ARMC8: variants seen among roughly 807,000 people sequenced by gnomAD.
The protein encoded by ARMC8 is armadillo repeat containing 8, also known as armadillo repeat-containing protein 8.
Under a neutral mutation model 99.3 loss-of-function variants are expected in ARMC8, and 20 were observed. The ratio of observed to expected loss-of-function variants is 0.20; its 90% CI spans 0.14 to 0.29. ARMC8 has a LOEUF of 0.29. Among genes scored for constraint, ARMC8 ranks in the 10% least tolerant of loss-of-function variants. ARMC8 has a pLI of 1.00. For missense variants in ARMC8, 569 were observed against 809.5 expected (o/e 0.70, Z 3.60); for synonymous variants, 263 against 278.3 (o/e 0.95, Z 0.55).
Position 138,284,534 on chromosome 3 carries a change from C to T in ARMC8, c.1821+8C>T. On this transcript the variant is annotated splice_region_variant and intron_variant, in intron 19 of 21. Coordinates refer to ENST00000469044, the MANE Select transcript of ARMC8 (RefSeq NM_001363941.2). ...AAAATCAAGTATTACATGGTGAGCC[C>T]TTGTCCCCTTTCACCGTAGGATTAG... 1 of 1,586,230 alleles carries T rather than the reference C, an allele frequency of 6.3e-7. No homozygotes were observed.
At chr3:138,290,440 G>A (rs2050828114) in intron 20 of ARMC8, 106 bp from the exon 21 acceptor site, 2 of 787,150 alleles carry the variant, frequency 2.5e-6, no homozygotes, top group East Asian at 5.4e-5. Flanking sequence ...GGGTACAGGA[G>A]GAGTAGGGAG....
At chr3:138,254,255 CTTCT>C (rs1245747374) in intron 12 of ARMC8, among the ~76,000 whole-genome samples, 1 of 152,180 alleles carries the variant, frequency 6.6e-6, no homozygotes, top group Admixed American at 6.5e-5. Context: ...TAATAGGTTA[CTTCT>C]TTGTCAGTGG....
In ARMC8 at chr3:138,283,485, A is replaced by G. The variant is rs949135753; in HGVS notation, c.1726-946A>G. Among the ~76,000 whole-genome samples, 11 of 152,100 alleles carry G rather than the reference A, an allele frequency of 7.2e-5. 1 individual carries two copies. Among genetic ancestry groups the G allele is most frequent in the Admixed American group, 6.5e-4 (10 of 15,286 alleles). ...CCTTCTCTATTCTCTGTTTACTTCA[A>G]TCACAGTGAAATGTAATTGTTTGTG... is the stretch of plus-strand genomic sequence containing the variant. On this transcript the variant is annotated intron_variant, in intron 18 of 21. Coordinates refer to ENST00000469044, the MANE Select transcript of ARMC8 (RefSeq NM_001363941.2).
chr3:138,195,091 A>C (rs1013120258), intron 1 of ARMC8, among the ~76,000 whole-genome samples: 1 of 152,080 alleles, frequency 6.6e-6, no homozygotes, highest in Non-Finnish European at 1.5e-5. Flanking sequence ...CCTGACCAAC[A>C]TGGTGAAACC....
intron 7 of ARMC8, 152 bp downstream of exon 7, chr3:138,235,266 G>A: frequency 1.9e-6 from 1 of 516,202 alleles, no homozygotes. Flanking sequence ...GCTATAGAAT[G>A]CTCTTTAAAA....
intron 2 of ARMC8, among the ~76,000 whole-genome samples, chr3:138,212,082 G>A (rs114590561): frequency 0.014 from 2,106 of 152,196 alleles, 23 homozygotes; most frequent in Non-Finnish European, 0.021. Flanking sequence ...TCTGTTTATA[G>A]TTTAAAGGGG....
chr3:138,278,106 G>A (rs2049485892), intron 18 of ARMC8, among the ~76,000 whole-genome samples: 1 of 152,178 alleles, frequency 6.6e-6, no homozygotes, highest in Non-Finnish European at 1.5e-5. Context: ...TAAAGGTTGG[G>A]GGCAGGATTT....
chr3:138,263,973 A>G, intron 13 of ARMC8, 152 bp downstream of exon 13: 1 of 953,018 alleles, frequency 1.0e-6, no homozygotes, highest in Non-Finnish European at 1.6e-6. Context: ...TCTAACAGAG[A>G]GCCTGGCCTC....
intron 1 of ARMC8, among the ~76,000 whole-genome samples, chr3:138,198,960 A>G (rs1233452653): frequency 6.6e-6 from 1 of 152,096 alleles, no homozygotes; most frequent in African/African-American, 2.4e-5. Context: ...TTAAATTTAA[A>G]AATTATATAT....
intron 1 of ARMC8, among the ~76,000 whole-genome samples, chr3:138,204,991 T>G (rs770687451): frequency 4.6e-5 from 7 of 151,486 alleles, no homozygotes; most frequent in Admixed American, 6.6e-5. Flanking sequence ...ATCTTCCCAG[T>G]CAAATTCAGA....
chr3:138,191,432 T>C (rs2107941737), intron 1 of ARMC8, among the ~76,000 whole-genome samples: 1 of 152,380 alleles, frequency 6.6e-6, no homozygotes, highest in South Asian at 2.1e-4. Context: ...GACAGGTCCC[T>C]GTGTACACTT....
chr3:138,222,961 C>T (rs1005496574), intron 3 of ARMC8, among the ~76,000 whole-genome samples: 1 of 152,108 alleles, frequency 6.6e-6, no homozygotes, highest in Non-Finnish European at 1.5e-5. Flanking sequence ...TCTGAATATT[C>T]CCTATAGGCT....
At chr3:138,204,626 T>C (rs1444702667) in intron 1 of ARMC8, among the ~76,000 whole-genome samples, 2 of 152,228 alleles carry the variant, frequency 1.3e-5, no homozygotes, top group Admixed American at 1.3e-4. Flanking sequence ...AACACCTCCA[T>C]GTTCCTAAAT....
chr3:138,252,645 G>T (rs1190002270), intron 12 of ARMC8, among the ~76,000 whole-genome samples: 4 of 143,882 alleles, frequency 2.8e-5, no homozygotes, highest in Admixed American at 1.6e-4. Flanking sequence ...AGTAGAGATG[G>T]GGTTTTCACT....
At chr3:138,218,349 T>G (rs2045199082) in intron 2 of ARMC8, among the ~76,000 whole-genome samples, 1 of 152,174 alleles carries the variant, frequency 6.6e-6, no homozygotes, top group Non-Finnish European at 1.5e-5. Flanking sequence ...AAAAATATGA[T>G]TGCTCCTTAA....
At chr3:138,272,929 T>C in intron 16 of ARMC8, 38 bp from the exon 17 acceptor site, 3 of 1,435,716 alleles carry the variant, frequency 2.1e-6, no homozygotes, top group Non-Finnish European at 2.8e-6. Flanking sequence ...ATAAAGTAAA[T>C]GTAGACATGA....
intron 12 of ARMC8, among the ~76,000 whole-genome samples, chr3:138,251,640 C>T (rs2047127470): frequency 1.3e-5 from 2 of 152,286 alleles, no homozygotes; most frequent in Non-Finnish European, 1.5e-5. Flanking sequence ...CATGACAGGA[C>T]CAGGTTTTGC....
intron 19 of ARMC8, among the ~76,000 whole-genome samples, chr3:138,287,173 G>A (rs1488887029): frequency 6.6e-6 from 1 of 152,206 alleles, no homozygotes. Context: ...TCCCTCCACT[G>A]TTTAAATCTT....
At chr3:138,224,150 G>A (rs2045558833) in intron 5 of ARMC8, among the ~76,000 whole-genome samples, 1 of 151,802 alleles carries the variant, frequency 6.6e-6, no homozygotes, top group Non-Finnish European at 1.5e-5. Context: ...AGGAGAGATA[G>A]GGTTTCACCA....
Sources: allele counts gnomAD v4.1 joint callset (sites outside exome capture counted in the v4.1 genomes callset), GRCh38; gene constraint gnomAD v4.1.1; transcripts MANE v1.5; gene names NCBI Gene and HGNC (gene_info 2026-07-23, HGNC 2026-07-21).